The following LMBR1 variants were observed in gnomAD, a reference collection of about 807,000 sequenced individuals.
The protein encoded by LMBR1 is limb region 1 protein homolog.
In LMBR1, 52 loss-of-function variants were observed where a neutral mutation model predicts 73.9. The observed-to-expected ratio is 0.70, with a 90% CI of 0.56 to 0.89. The LOEUF (loss-of-function observed/expected upper bound fraction) is 0.89, where lower values mean the gene tolerates loss of function less well. LMBR1 is among the 40% of genes least tolerant of loss of function. The probability of loss-of-function intolerance (pLI) is 0.00; values close to 1 mark genes in which losing one functional copy is unlikely to be tolerated. For missense variants in LMBR1, 539 were observed against 579.8 expected, an observed-to-expected ratio of 0.93 and a Z score of 0.72; for synonymous variants, 215 against 209.4, an observed-to-expected ratio of 1.03 and a Z score of -0.23.
In LMBR1 at chr7:156,681,300, C is replaced by A; in HGVS notation, c.*2778G>T. 1 of 382,132 alleles carries A rather than the reference C, an allele frequency of 2.6e-6. No homozygotes were observed. Among genetic ancestry groups the A allele is most frequent in the Non-Finnish European group, 5.0e-6 (1 of 198,664 alleles). The allele number at this position is 382,132 out of a possible 1,614,324, so 23.7% of individuals were successfully genotyped here. On this transcript the variant is annotated 3_prime_UTR_variant, in exon 17 of 17. Coordinates refer to ENST00000353442, the MANE Select transcript of LMBR1 (RefSeq NM_022458.4). ...CGTGCGCCTTTAACACATCTGAGAG[C>A]AAAACGCGAGAGGCTCCGTCCATCT...
intron 3 of LMBR1, among the ~76,000 whole-genome samples, chr7:156,829,937 G>C (rs1295869166): frequency 6.6e-6 from 1 of 152,126 alleles, no homozygotes; most frequent in Non-Finnish European, 1.5e-5. Context: ...CTTTCAAAAT[G>C]CTTCTGAAGC....
intron 1 of LMBR1, among the ~76,000 whole-genome samples, chr7:156,860,384 G>A (rs1357056822): frequency 1.3e-5 from 2 of 152,072 alleles, no homozygotes; most frequent in Non-Finnish European, 2.9e-5. Context: ...AACAGCACGG[G>A]AAAGACCCGC....
intron 15 of LMBR1, among the ~76,000 whole-genome samples, chr7:156,714,953 T>C (rs896089385): frequency 6.8e-6 from 1 of 148,144 alleles, no homozygotes; most frequent in African/African-American, 2.5e-5. Context: ...AATACTTTTT[T>C]CTTTTTTTTT....
At chr7:156,675,140 G>A (rs914200037), downstream of LMBR1, among the ~76,000 whole-genome samples, 7 of 152,128 alleles carry the variant, frequency 4.6e-5, no homozygotes, top group South Asian at 2.1e-4. Context: ...GCGGCGACCC[G>A]AAGGGGCAGC....
intron 1 of LMBR1, among the ~76,000 whole-genome samples, chr7:156,860,053 G>C (rs980789554): frequency 6.6e-6 from 1 of 152,222 alleles, no homozygotes; most frequent in Non-Finnish European, 1.5e-5. Flanking sequence ...AACAAACGGT[G>C]CTATAACAAC....
chr7:156,807,111 AGT>A (rs1832276163), intron 4 of LMBR1, among the ~76,000 whole-genome samples: 1 of 152,158 alleles, frequency 6.6e-6, no homozygotes, highest in Non-Finnish European at 1.5e-5. Flanking sequence ...ATTTTTATAC[AGT>A]GTTACATTTG....
At chr7:156,676,223 G>A (rs1217202433), downstream of LMBR1, 4 of 1,500,316 alleles carry the variant, frequency 2.7e-6, no homozygotes, top group South Asian at 2.5e-5. Flanking sequence ...CAGTTCCCAG[G>A]AGTAACAGAG....
Position 156,681,521 on chromosome 7 carries a change from A to G in LMBR1, c.*2557T>C, listed in dbSNP as rs1265460336. The G allele has an allele frequency of 1.3e-5, 2 of 154,484 alleles. No individual in the cohort carries two copies. Among genetic ancestry groups the G allele is most frequent in the East Asian group, 1.9e-4 (1 of 5,226 alleles). The allele number at this position is 154,484 out of a possible 1,614,324, so 9.6% of individuals were successfully genotyped here. A position where few individuals can be genotyped will look rare whatever the true frequency, so the allele number is the denominator to read the frequency against. On this transcript the variant is annotated 3_prime_UTR_variant, in exon 17 of 17. Transcript: ENST00000353442. ...TACAAATGTTATAATCTGAAAACTTATAATTGTAAAATAATTTATTTAAGT... is the reference window on the plus strand; with the variant it reads ...TACAAATGTTATAATCTGAAAACTTGTAATTGTAAAATAATTTATTTAAGT...
chr7:156,869,040 T>C (rs891197245), intron 1 of LMBR1, among the ~76,000 whole-genome samples: 8 of 152,172 alleles, frequency 5.3e-5, no homozygotes, highest in African/African-American at 9.7e-5. Flanking sequence ...TTAATAGATA[T>C]TAACAGTGTA....
At chr7:156,693,148 T>G (rs934296111) in intron 15 of LMBR1, among the ~76,000 whole-genome samples, 1 of 151,774 alleles carries the variant, frequency 6.6e-6, no homozygotes, top group South Asian at 2.1e-4. Context: ...GTGATTAGAG[T>G]CCCTGAAGGA....
intron 5 of LMBR1, among the ~76,000 whole-genome samples, chr7:156,781,892 A>T (rs2133197928): frequency 6.6e-6 from 1 of 152,320 alleles, no homozygotes; most frequent in East Asian, 1.9e-4. Context: ...GCATTACTAC[A>T]TTCACACTGT....
At chr7:156,794,456 C>A (rs759130880) in intron 5 of LMBR1, among the ~76,000 whole-genome samples, 1 of 151,808 alleles carries the variant, frequency 6.6e-6, no homozygotes, top group Non-Finnish European at 1.5e-5. Context: ...TCATTTTTTT[C>A]TTTTTTAATT....
intron 4 of LMBR1, among the ~76,000 whole-genome samples, chr7:156,812,657 C>T (rs1266572266): frequency 6.6e-6 from 1 of 152,180 alleles, no homozygotes; most frequent in African/African-American, 2.4e-5. Context: ...CTGTAAGACT[C>T]TACACAGAGG....
chr7:156,731,398 G>A (rs1816807468), intron 10 of LMBR1, among the ~76,000 whole-genome samples: 1 of 152,116 alleles, frequency 6.6e-6, no homozygotes, highest in African/African-American at 2.4e-5. Flanking sequence ...AAGACATCAA[G>A]CCACAGTATC....
intron 1 of LMBR1, among the ~76,000 whole-genome samples, chr7:156,881,808 T>TAAA (rs60282269): frequency 7.0e-5 from 10 of 143,570 alleles, no homozygotes; most frequent in Non-Finnish European, 1.1e-4. Flanking sequence ...TGGCTATGAT[T>TAAA]AAAAAAAAAA....
intron 12 of LMBR1, among the ~76,000 whole-genome samples, chr7:156,727,000 A>G (rs1815911409): frequency 6.6e-6 from 1 of 152,174 alleles, no homozygotes; most frequent in Non-Finnish European, 1.5e-5. Flanking sequence ...ATAAAAGTAC[A>G]CAGCTTTTTC....
chr7:156,783,695 G>A (rs1010444335), intron 5 of LMBR1, among the ~76,000 whole-genome samples: 2 of 151,888 alleles, frequency 1.3e-5, no homozygotes, highest in South Asian at 2.1e-4. Context: ...TTTAAATTCA[G>A]CTGAGCTTGA....
chr7:156,801,915 G>C (rs1201424619), intron 4 of LMBR1, among the ~76,000 whole-genome samples: 1 of 152,158 alleles, frequency 6.6e-6, no homozygotes, highest in Non-Finnish European at 1.5e-5. Context: ...TTGTCCCAGA[G>C]CAAGAAAAAC....
intron 15 of LMBR1, among the ~76,000 whole-genome samples, chr7:156,701,999 G>A (rs1006461425): frequency 6.6e-6 from 1 of 152,158 alleles, no homozygotes; most frequent in Non-Finnish European, 1.5e-5. Flanking sequence ...TGGTGTATAT[G>A]TACCACATTT....
Sources: gnomAD v4.1 joint callset for allele counts (sites outside exome capture counted in the v4.1 genomes callset) on GRCh38, gnomAD v4.1.1 for gene constraint, MANE v1.5 for transcripts, NCBI Gene and HGNC (gene_info 2026-07-23, HGNC 2026-07-21) for gene names.